The following C1QTNF7 variants were observed in gnomAD, a reference collection of about 807,000 sequenced individuals.
The protein encoded by C1QTNF7 is C1q and TNF related 7.
Under a neutral mutation model 19.6 loss-of-function variants are expected in C1QTNF7, and 15 were observed. That is an observed-to-expected ratio of 0.76 (90% CI 0.51 to 1.18). The LOEUF (loss-of-function observed/expected upper bound fraction) is 1.18. Among genes scored for constraint, C1QTNF7 ranks in the 50% most tolerant of loss-of-function variants. The probability of loss-of-function intolerance (pLI) is 0.00; values close to 1 mark genes in which losing one functional copy is unlikely to be tolerated. For missense variants in C1QTNF7, 324 were observed against 359.7 expected (o/e 0.90, Z 0.80); for synonymous variants, 142 against 137.5 (o/e 1.03, Z -0.23).
chr4:15,356,305 T>C (rs1386743065), intron 1 of C1QTNF7, among the ~76,000 whole-genome samples: 1 of 152,116 alleles, frequency 6.6e-6, no homozygotes, highest in Admixed American at 6.5e-5. Flanking sequence ...TGTGTCCCTG[T>C]GTTCTCATTG....
At chr4:15,346,988 G>A (rs1716741533) in intron 1 of C1QTNF7, among the ~76,000 whole-genome samples, 1 of 152,138 alleles carries the variant, frequency 6.6e-6, no homozygotes, top group Admixed American at 6.5e-5. Context: ...TGTGAATGAT[G>A]TTGAACCACA....
intron 1 of C1QTNF7, among the ~76,000 whole-genome samples, chr4:15,430,101 A>G (rs1282764260): frequency 6.6e-6 from 1 of 152,190 alleles, no homozygotes; most frequent in Non-Finnish European, 1.5e-5. Context: ...AAATTCACAA[A>G]ATACTATATA....
intron 1 of C1QTNF7, among the ~76,000 whole-genome samples, chr4:15,398,572 T>C: frequency 6.6e-6 from 1 of 152,310 alleles, no homozygotes; most frequent in East Asian, 1.9e-4. Context: ...CAAGCCCTAC[T>C]CAAATCTCAA....
intron 1 of C1QTNF7, among the ~76,000 whole-genome samples, chr4:15,398,326 G>T (rs1049368240): frequency 6.6e-6 from 1 of 152,176 alleles, no homozygotes; most frequent in East Asian, 1.9e-4. Flanking sequence ...TAAAGGCAAA[G>T]CTAATTATAT....
rs1442969607 is a variant in C1QTNF7, at chr4:15,383,381, A to C, written c.13+43174A>C. ...GGTTACGCTAATACCAACAGACTTA[A>C]GCCTTTCCTAGAAATGCCCTCCTGA... On this transcript the variant is annotated intron_variant, in intron 1 of 2. Coordinates refer to the C1QTNF7 transcript ENST00000295297. Among the ~76,000 whole-genome samples the C allele has an allele frequency of 2.0e-5, 3 of 152,316 alleles. No homozygotes were observed. The East Asian group carries it at 5.8e-4, about 29-fold the overall frequency.
intron 1 of C1QTNF7, among the ~76,000 whole-genome samples, chr4:15,376,374 C>T (rs549216112): frequency 4.6e-5 from 7 of 152,310 alleles, no homozygotes; most frequent in South Asian, 2.1e-4. Context: ...ATGCCTTGTG[C>T]ACTCGTGGGA....
At chr4:15,339,856 G>A (rs975853490), upstream of C1QTNF7, 1 of 407,518 alleles carries the variant, frequency 2.5e-6, no homozygotes, top group African/African-American at 2.1e-5. Context: ...CTTAACTAGT[G>A]TATATATTAA....
At chr4:15,386,103 G>A (rs1718326184) in intron 1 of C1QTNF7, among the ~76,000 whole-genome samples, 1 of 152,204 alleles carries the variant, frequency 6.6e-6, no homozygotes, top group Non-Finnish European at 1.5e-5. Context: ...TCTCCTGGCA[G>A]AGTGCTGTCC....
At chr4:15,385,187 T>C (rs1010761441) in intron 1 of C1QTNF7, among the ~76,000 whole-genome samples, 7 of 152,214 alleles carry the variant, frequency 4.6e-5, no homozygotes, top group Non-Finnish European at 7.3e-5. Flanking sequence ...TACCTGGCAC[T>C]ATTGTGGGTG....
chr4:15,401,051 G>A lies in C1QTNF7; in HGVS notation c.14-34685G>A, dbSNP rs144229358. Among the ~76,000 whole-genome samples, 59 of 152,312 alleles carry A rather than the reference G, an allele frequency of 3.9e-4. No individual in the cohort carries two copies. The East Asian group carries it at 0.01, about 27-fold the overall frequency. On this transcript the variant is annotated intron_variant, in intron 1 of 2. Coordinates refer to the C1QTNF7 transcript ENST00000295297. The stretch of plus-strand genomic sequence containing the variant: ...AAGTGTCTTAGAGGAGGGCAGAACC[G>A]GAAATACTAGCGGGCGCACCCCAGT...
chr4:15,370,120 G>A (rs1011649112), intron 1 of C1QTNF7, among the ~76,000 whole-genome samples: 30 of 151,934 alleles, frequency 2.0e-4, no homozygotes, highest in African/African-American at 7.3e-4. Context: ...GATTATTATA[G>A]TGATATAAGA....
At chr4:15,401,003 A>C (rs1291072094) in intron 1 of C1QTNF7, among the ~76,000 whole-genome samples, 1 of 152,152 alleles carries the variant, frequency 6.6e-6, no homozygotes, top group Non-Finnish European at 1.5e-5. Flanking sequence ...CTAATTTTAG[A>C]GACGAGGAAG....
chr4:15,411,674 G>A (rs1157233206), intron 1 of C1QTNF7, among the ~76,000 whole-genome samples: 3 of 152,148 alleles, frequency 2.0e-5, no homozygotes, highest in South Asian at 4.1e-4. Context: ...TACAGCCCTG[G>A]CAGGGTCTCC....
intron 1 of C1QTNF7, among the ~76,000 whole-genome samples, chr4:15,414,149 T>C (rs527662238): frequency 2.0e-5 from 3 of 152,276 alleles, no homozygotes; most frequent in African/African-American, 7.2e-5. Context: ...TTAATCATCC[T>C]TGAAGCTCAA....
chr4:15,428,971 T>G (rs952531890), intron 1 of C1QTNF7, among the ~76,000 whole-genome samples: 8 of 152,226 alleles, frequency 5.3e-5, no homozygotes, highest in Admixed American at 3.9e-4. Flanking sequence ...TCACATGATG[T>G]AGGGACAAAC....
chr4:15,436,194 G>A (rs2108938824), intron 2 of C1QTNF7, among the ~76,000 whole-genome samples: 1 of 152,298 alleles, frequency 6.6e-6, no homozygotes, highest in East Asian at 1.9e-4. Flanking sequence ...TCTTTCAGCT[G>A]AATGTTATCC....
At chr4:15,348,988 A>G (rs1716807683) in intron 1 of C1QTNF7, among the ~76,000 whole-genome samples, 1 of 152,108 alleles carries the variant, frequency 6.6e-6, no homozygotes, top group Non-Finnish European at 1.5e-5. Context: ...CCATCCTCCC[A>G]ACACCCCTAG....
intron 1 of C1QTNF7, among the ~76,000 whole-genome samples, chr4:15,411,809 C>G (rs1451936799): frequency 6.6e-6 from 1 of 152,132 alleles, no homozygotes; most frequent in Non-Finnish European, 1.5e-5. Flanking sequence ...GGGCTACATT[C>G]CTCTTGGATG....
intron 1 of C1QTNF7, among the ~76,000 whole-genome samples, chr4:15,428,907 G>C (rs1459510780): frequency 6.6e-6 from 1 of 152,136 alleles, no homozygotes; most frequent in Non-Finnish European, 1.5e-5. Flanking sequence ...TTTTCAACTT[G>C]AATTAATTAT....
Sources: gnomAD v4.1 joint callset for allele counts (sites outside exome capture counted in the v4.1 genomes callset) on GRCh38, gnomAD v4.1.1 for gene constraint, MANE v1.5 for transcripts, NCBI Gene and HGNC (gene_info 2026-07-23, HGNC 2026-07-21) for gene names.